NELL1: variants seen among roughly 807,000 people sequenced by gnomAD.
NELL1 encodes protein kinase C-binding protein NELL1.
A neutral mutation model predicts 107.4 loss-of-function variants in NELL1; 76 were observed. The ratio of observed to expected loss-of-function variants is 0.71; its 90% CI spans 0.59 to 0.86. The LOEUF is 0.86. NELL1 is among the 40% of genes least tolerant of loss of function. NELL1 has a pLI of 0.00. For missense variants in NELL1, 1,024 were observed against 1,005.5 expected, an observed-to-expected ratio of 1.02 and a Z score of -0.25; for synonymous variants, 353 against 341.2, an observed-to-expected ratio of 1.03 and a Z score of -0.38.
chr11:21,280,081 A>G (rs1367892718), intron 14 of NELL1, among the ~76,000 whole-genome samples: 1 of 152,180 alleles, frequency 6.6e-6, no homozygotes, highest in Non-Finnish European at 1.5e-5. Context: ...AGGTGCTCAA[A>G]TAGAGGATTT....
chr11:21,493,503 A>T (rs186723433), intron 15 of NELL1, among the ~76,000 whole-genome samples: 33 of 145,170 alleles, frequency 2.3e-4, no homozygotes, highest in Non-Finnish European at 3.0e-4. Context: ...TAGATACCAC[A>T]TATTCTCACT....
At chr11:21,508,853 T>A (rs894507633) in intron 15 of NELL1, among the ~76,000 whole-genome samples, 2 of 152,090 alleles carry the variant, frequency 1.3e-5, no homozygotes, top group Non-Finnish European at 2.9e-5. Context: ...AGCATCATAT[T>A]TAGTTAAATA....
intron 13 of NELL1, among the ~76,000 whole-genome samples, chr11:21,212,921 A>G (rs1172618046): frequency 6.6e-6 from 1 of 152,244 alleles, no homozygotes; most frequent in Non-Finnish European, 1.5e-5. Flanking sequence ...ATCAAGCTGT[A>G]TCTATTTACA....
At chr11:20,824,024 G>C (rs1857818741) in intron 3 of NELL1, among the ~76,000 whole-genome samples, 1 of 151,256 alleles carries the variant, frequency 6.6e-6, no homozygotes, top group Non-Finnish European at 1.5e-5. Flanking sequence ...CTCATCTTGA[G>C]CTGTAATCCA....
At chr11:21,424,548 G>A (rs956902170) in intron 15 of NELL1, among the ~76,000 whole-genome samples, 1 of 152,110 alleles carries the variant, frequency 6.6e-6, no homozygotes, top group African/African-American at 2.4e-5. Flanking sequence ...TTGAACCTGG[G>A]AGACAGAGGT....
intron 18 of NELL1, among the ~76,000 whole-genome samples, chr11:21,572,355 T>C (rs920234054): frequency 6.6e-6 from 1 of 151,844 alleles, no homozygotes; most frequent in Admixed American, 6.6e-5. Context: ...TCATACTTAA[T>C]AAATATTCAA....
intron 13 of NELL1, among the ~76,000 whole-genome samples, chr11:21,138,399 T>A (rs1379173664): frequency 6.6e-6 from 1 of 152,218 alleles, no homozygotes; most frequent in Non-Finnish European, 1.5e-5. Flanking sequence ...AGATATGCTT[T>A]CTGTGCCAGG....
intron 13 of NELL1, among the ~76,000 whole-genome samples, chr11:21,210,292 T>C (rs1284555178): frequency 2.0e-5 from 3 of 152,164 alleles, no homozygotes; most frequent in African/African-American, 7.2e-5. Flanking sequence ...CCTGTGTTTG[T>C]TTGAGGAACT....
At chr11:21,562,876 C>G (rs1856884379) in intron 17 of NELL1, among the ~76,000 whole-genome samples, 1 of 152,030 alleles carries the variant, frequency 6.6e-6, no homozygotes, top group South Asian at 2.1e-4. Flanking sequence ...AGAGTCAGTA[C>G]ACCAGCTTAG....
intron 13 of NELL1, among the ~76,000 whole-genome samples, chr11:21,132,903 C>T (rs1240974619): frequency 2.0e-5 from 3 of 152,122 alleles, no homozygotes; most frequent in Admixed American, 6.5e-5. Flanking sequence ...ATGAAGTATG[C>T]AGAAAACTGG....
intron 16 of NELL1, among the ~76,000 whole-genome samples, chr11:21,553,775 GAAGATAGAA>G (rs1272496752): frequency 1.3e-5 from 2 of 151,812 alleles, no homozygotes; most frequent in African/African-American, 4.8e-5. Flanking sequence ...AATGGGTAAG[GAAGATAGAA>G]AAGATAGAAT....
chr11:21,403,469 AAAC>A (rs1852146886), intron 15 of NELL1, among the ~76,000 whole-genome samples: 1 of 151,770 alleles, frequency 6.6e-6, no homozygotes, highest in Non-Finnish European at 1.5e-5. Flanking sequence ...AAAGGTGCTC[AAAC>A]AACGTTATGA....
chr11:21,078,646 A>G (rs1347948901), intron 12 of NELL1, among the ~76,000 whole-genome samples: 2 of 152,134 alleles, frequency 1.3e-5, no homozygotes, highest in Non-Finnish European at 1.5e-5. Flanking sequence ...ACCAACATAC[A>G]CACAGAGATA....
chr11:20,700,124 G>GAA (rs146983094), intron 2 of NELL1, among the ~76,000 whole-genome samples: 25,003 of 146,850 alleles, frequency 0.17, 2,357 homozygotes, highest in African/African-American at 0.24. Context: ...ACTGTTTTTA[G>GAA]AAAAAACAAA....
chr11:21,280,006 G>C (rs972519585), intron 14 of NELL1, among the ~76,000 whole-genome samples: 2 of 152,164 alleles, frequency 1.3e-5, no homozygotes, highest in Non-Finnish European at 2.9e-5. Flanking sequence ...TGATGAAAAA[G>C]GCAAAACTAT....
At chr11:21,408,048 A>G (rs1375303654) in intron 15 of NELL1, among the ~76,000 whole-genome samples, 1 of 151,874 alleles carries the variant, frequency 6.6e-6, no homozygotes, top group East Asian at 1.9e-4. Context: ...TTGCACATAG[A>G]GGGGTGGCAA....
chr11:20,767,768 T>C (rs1257616469), intron 2 of NELL1, among the ~76,000 whole-genome samples: 2 of 152,306 alleles, frequency 1.3e-5, no homozygotes, highest in East Asian at 3.9e-4. Flanking sequence ...CAAATATTTA[T>C]TGCACATCAT....
intron 14 of NELL1, among the ~76,000 whole-genome samples, chr11:21,291,864 C>A (rs1849271592): frequency 6.6e-6 from 1 of 152,130 alleles, no homozygotes; most frequent in South Asian, 2.1e-4. Context: ...AGGCCTTTGA[C>A]AAAACTCAAC....
At chr11:20,800,963 C>G (rs1175514915) in intron 3 of NELL1, among the ~76,000 whole-genome samples, 1 of 152,094 alleles carries the variant, frequency 6.6e-6, no homozygotes, top group African/African-American at 2.4e-5. Flanking sequence ...AAAAAACAAA[C>G]AAACCATGAG....
Sources: gnomAD v4.1 joint callset for allele counts (sites outside exome capture counted in the v4.1 genomes callset) on GRCh38, gnomAD v4.1.1 for gene constraint, MANE v1.5 for transcripts, NCBI Gene and HGNC (gene_info 2026-07-23, HGNC 2026-07-21) for gene names.